The following PAX5 variants were observed in gnomAD, a reference collection of about 807,000 sequenced individuals.
The protein encoded by PAX5 is paired box protein Pax-5.
PAX5 carries 9 observed loss-of-function variants against 43.7 expected under a neutral mutation model. That is an observed-to-expected ratio of 0.21 (90% CI 0.12 to 0.36). PAX5 has a LOEUF of 0.36. Among genes scored for constraint, PAX5 ranks in the 10% least tolerant of loss-of-function variants. PAX5 has a pLI of 1.00. For missense variants in PAX5, 383 were observed against 532.7 expected (o/e 0.72, Z 2.77); for synonymous variants, 228 against 214.3 (o/e 1.06, Z -0.56).
chr9:36,894,670 C>T (rs998593979), intron 7 of PAX5, among the ~76,000 whole-genome samples: 1 of 152,294 alleles, frequency 6.6e-6, no homozygotes, highest in Admixed American at 6.5e-5. Context: ...ATTAAATTAA[C>T]AAATACAGGT....
At chr9:36,911,900 GC>G (rs1829327716) in intron 7 of PAX5, among the ~76,000 whole-genome samples, 1 of 152,206 alleles carries the variant, frequency 6.6e-6, no homozygotes. Flanking sequence ...CCCTTGAGAC[GC>G]CCCAGGTCTG....
chr9:36,975,920 G>A (rs1386009291), intron 5 of PAX5, among the ~76,000 whole-genome samples: 12 of 152,210 alleles, frequency 7.9e-5, no homozygotes, highest in Non-Finnish European at 2.9e-5. Flanking sequence ...CTCAAGCATA[G>A]GAGATGCTAA....
At chr9:36,890,445 T>C (rs188828419) in intron 7 of PAX5, among the ~76,000 whole-genome samples, 17 of 152,302 alleles carry the variant, frequency 1.1e-4, no homozygotes, top group Non-Finnish European at 2.2e-4. Context: ...CTGGCAACTC[T>C]GTCTGCTGGG....
At chr9:36,995,992 T>C (rs1424823542) in intron 5 of PAX5, among the ~76,000 whole-genome samples, 1 of 152,206 alleles carries the variant, frequency 6.6e-6, no homozygotes, top group Non-Finnish European at 1.5e-5. Flanking sequence ...TGAGTGGCCC[T>C]TCATTCTGCA....
At chr9:36,881,748 C>G (rs1019565819) in intron 8 of PAX5, among the ~76,000 whole-genome samples, 7 of 152,056 alleles carry the variant, frequency 4.6e-5, no homozygotes, top group Admixed American at 3.3e-4. Context: ...TGTTCAGACT[C>G]TGTACGTGGC....
At chr9:36,964,955 C>T (rs1249198550) in intron 6 of PAX5, among the ~76,000 whole-genome samples, 1 of 152,152 alleles carries the variant, frequency 6.6e-6, no homozygotes, top group East Asian at 1.9e-4. Context: ...CATCCCTGAG[C>T]CACAACCACA....
At chr9:36,923,880 C>T (rs1056501056) in intron 6 of PAX5, among the ~76,000 whole-genome samples, 3 of 152,140 alleles carry the variant, frequency 2.0e-5, no homozygotes, top group Non-Finnish European at 2.9e-5. Flanking sequence ...ATGGAAAGAA[C>T]GGTTTCTGAT....
At chr9:36,900,253 T>G (rs1051334187) in intron 7 of PAX5, among the ~76,000 whole-genome samples, 1 of 152,176 alleles carries the variant, frequency 6.6e-6, no homozygotes, top group African/African-American at 2.4e-5. Flanking sequence ...AGTCTTTAAT[T>G]CAGAAGCTGA....
At chr9:36,989,421 T>C (rs1243312156) in intron 5 of PAX5, among the ~76,000 whole-genome samples, 1 of 152,220 alleles carries the variant, frequency 6.6e-6, no homozygotes, top group East Asian at 1.9e-4. Context: ...TGTATCTCTA[T>C]AAAATGGGGA....
chr9:36,954,910 T>C (rs1230037225), intron 6 of PAX5, among the ~76,000 whole-genome samples: 2 of 152,202 alleles, frequency 1.3e-5, no homozygotes, highest in Admixed American at 1.3e-4. Context: ...TCCCAACTCT[T>C]TAGCTTTCTA....
chr9:36,995,179 T>A (rs1352190263), intron 5 of PAX5, among the ~76,000 whole-genome samples: 1 of 152,212 alleles, frequency 6.6e-6, no homozygotes, highest in Non-Finnish European at 1.5e-5. Flanking sequence ...GGCTGCCTGT[T>A]CACCCATACT....
intron 7 of PAX5, among the ~76,000 whole-genome samples, chr9:36,897,885 C>G (rs945162581): frequency 6.6e-6 from 1 of 152,166 alleles, no homozygotes. Context: ...CAAAGTCAGC[C>G]GTGTCCCTGG....
chr9:36,879,222 G>A (rs149134899), intron 8 of PAX5, among the ~76,000 whole-genome samples: 2 of 152,336 alleles, frequency 1.3e-5, no homozygotes, highest in African/African-American at 2.4e-5. Context: ...GCAAAGAGTC[G>A]CCATCCATTC....
chr9:36,964,247 C>T (rs1243115931), intron 6 of PAX5, among the ~76,000 whole-genome samples: 1 of 151,478 alleles, frequency 6.6e-6, no homozygotes, highest in Non-Finnish European at 1.5e-5. Context: ...CGCCACTGCA[C>T]TCCAGCCTGG....
intron 8 of PAX5, among the ~76,000 whole-genome samples, chr9:36,852,714 C>T (rs934670325): frequency 1.6e-4 from 24 of 152,238 alleles, no homozygotes; most frequent in Non-Finnish European, 2.9e-4. Context: ...CCTCCCTTCA[C>T]GCAACAAATT....
intron 8 of PAX5, among the ~76,000 whole-genome samples, chr9:36,873,161 ACTCAGTGGTCCCC>A (rs1241854724): frequency 6.6e-6 from 1 of 152,176 alleles, no homozygotes; most frequent in African/African-American, 2.4e-5. Flanking sequence ...GCCTCAGCAG[ACTCAGTGGTCCCC>A]CTCACCTGCA....
Position 36,882,692 on chromosome 9 carries a change from A to G in PAX5, c.911-587T>C, listed in dbSNP as rs1563928359. On this transcript the variant is annotated intron_variant, in intron 7 of 9. Transcript: ENST00000358127. This position sits in a 1 kb window ranked among gnomAD's most constrained non-coding sequence, Gnocchi z 4.4. The stretch of plus-strand genomic sequence containing the variant: ...CTGAATTTTTCCTCCTTTGGCCTAG[A>G]GCTGTTTCTTCATTCAGTGAAGATG... Among the ~76,000 whole-genome samples, 1 of 152,162 alleles carries G rather than the reference A, an allele frequency of 6.6e-6. No homozygotes were observed. Among genetic ancestry groups the G allele is most frequent in the Non-Finnish European group, 1.5e-5 (1 of 68,026 alleles).
At chr9:37,032,364 A>T (rs897011325) in intron 1 of PAX5, among the ~76,000 whole-genome samples, 1 of 152,058 alleles carries the variant, frequency 6.6e-6, no homozygotes, top group Non-Finnish European at 1.5e-5. Context: ...TTCCCCACAC[A>T]TACACAACAC....
At chr9:36,896,715 A>G (rs1472135452) in intron 7 of PAX5, among the ~76,000 whole-genome samples, 1 of 152,102 alleles carries the variant, frequency 6.6e-6, no homozygotes, top group African/African-American at 2.4e-5. Context: ...CTCGGTTTCC[A>G]CTTTGTAAAA....
Sources: gnomAD v4.1 joint callset for allele counts (sites outside exome capture counted in the v4.1 genomes callset) on GRCh38, gnomAD v4.1.1 for gene constraint, Gnocchi (gnomAD v3.1) non-coding constraint, MANE v1.5 for transcripts, NCBI Gene and HGNC (gene_info 2026-07-23, HGNC 2026-07-21) for gene names.